ETFDH: variants seen among roughly 807,000 people sequenced by gnomAD.
ETFDH encodes the protein electron transfer flavoprotein dehydrogenase.
A neutral mutation model predicts 73.2 loss-of-function variants in ETFDH; 61 were observed. The observed-to-expected ratio is 0.83, with a 90% CI of 0.68 to 1.03. ETFDH has a LOEUF of 1.03. Among genes scored for constraint, ETFDH ranks in the 50% least tolerant of loss-of-function variants. The pLI is 0.00. For synonymous variants in ETFDH, 243 were observed against 253.3 expected, an observed-to-expected ratio of 0.96 and a Z score of 0.39; for missense variants, 685 against 745.0, an observed-to-expected ratio of 0.92 and a Z score of 0.94.
At chr4:158,703,289 CTCAAT>C in intron 9 of ETFDH, 129 bp from the exon 10 acceptor site, 2 of 694,354 alleles carry the variant, frequency 2.9e-6, no homozygotes, top group Non-Finnish European at 5.1e-6. Context: ...TATTCCTTTG[CTCAAT>C]TCATTTTCAT....
chr4:158,690,676 C>G (rs1281982761), intron 6 of ETFDH, among the ~76,000 whole-genome samples: 3 of 72,382 alleles, frequency 4.1e-5, no homozygotes, highest in South Asian at 6.6e-4. Flanking sequence ...GAGCAAAACC[C>G]TGTCTTAAAA....
At chr4:158,688,480 TC>T (rs1260079584) in intron 5 of ETFDH, among the ~76,000 whole-genome samples, 2 of 149,728 alleles carry the variant, frequency 1.3e-5, no homozygotes, top group African/African-American at 4.9e-5. Context: ...GGTCAGGAGA[TC>T]GAGACCATGG....
chr4:158,691,067 T>G (rs1037738526), intron 6 of ETFDH, among the ~76,000 whole-genome samples: 1 of 152,144 alleles, frequency 6.6e-6, no homozygotes, highest in Admixed American at 6.5e-5. Context: ...CATACAAATA[T>G]ACAAACATAA....
intron 8 of ETFDH, 98 bp from the exon 9 acceptor site, chr4:158,698,889 A>G: frequency 1.2e-6 from 1 of 864,708 alleles, no homozygotes. Context: ...AGTAAAAGAA[A>G]TTTAACCTAC....
Position 158,674,674 on chromosome 4 carries a change from A to AT in ETFDH, c.34+2189dup, listed in dbSNP as rs1185298006. Among the ~76,000 whole-genome samples, 4 of 152,320 alleles carry AT rather than the reference A, an allele frequency of 2.6e-5. 1 individual carries two copies. The highest frequency in any genetic ancestry group is 2.6e-4 in the Admixed American group (4 of 15,304). Reference sequence around the variant, plus strand: ...CTTTAAAAAAAATGACCAAACACAGATTTTTATTGCCTTTTCACAGAAAAT... The same window carrying AT: ...CTTTAAAAAAAATGACCAAACACAGATTTTTTATTGCCTTTTCACAGAAAAT... On this transcript the variant is annotated intron_variant, in intron 1 of 12. Transcript: ENST00000511912.
chr4:158,706,993 CTT>C (rs930402337), intron 12 of ETFDH, 143 bp downstream of exon 12: 4 of 610,634 alleles, frequency 6.6e-6, no homozygotes, highest in Admixed American at 2.7e-5. Flanking sequence ...AGGAAACATA[CTT>C]TTAACTACTG....
At chr4:158,704,759 A>C (rs1300739113) in intron 10 of ETFDH, among the ~76,000 whole-genome samples, 2 of 152,170 alleles carry the variant, frequency 1.3e-5, no homozygotes, top group Non-Finnish European at 2.9e-5. Flanking sequence ...ATCCCCAGTA[A>C]ATGTTCCTCT....
chr4:158,693,462 C>T (rs1019938907), intron 6 of ETFDH, among the ~76,000 whole-genome samples: 2 of 152,106 alleles, frequency 1.3e-5, no homozygotes, highest in African/African-American at 4.8e-5. Flanking sequence ...CACGGCCTGT[C>T]CCTTGAACAC....
chr4:158,681,079 A>G (rs941855810), intron 2 of ETFDH, among the ~76,000 whole-genome samples: 1 of 152,254 alleles, frequency 6.6e-6, no homozygotes, highest in South Asian at 2.1e-4. Context: ...ACTGTAAAAC[A>G]GACACAGGCA....
In ETFDH at chr4:158,672,462, G is replaced by C. The variant is rs2150300532; in HGVS notation, c.6G>C (p.Leu2=). M[L]VPLAKLSCLA... is the part of the protein sequence containing the mutation. ...GAGTCCTGGTGACTTTGAACATGCT[G>C]GTGCCGCTAGCCAAGCTGTCCTGCC... Residue 2 remains leucine, a synonymous_variant, in exon 1 of 13, where the codon CTG becomes CTC. Transcript: ENST00000511912. 1 of 1,614,164 alleles carries C rather than the reference G, an allele frequency of 6.2e-7. No homozygotes were observed. Among genetic ancestry groups the C allele is most frequent in the Non-Finnish European group, 8.5e-7 (1 of 1,180,008 alleles).
intron 9 of ETFDH, among the ~76,000 whole-genome samples, chr4:158,700,061 C>A (rs928661643): frequency 1.3e-5 from 2 of 152,134 alleles, no homozygotes; most frequent in African/African-American, 4.8e-5. Context: ...TTCTAGGAAT[C>A]TAGGACTATC....
At chr4:158,676,738 G>A (rs1174172075) in intron 1 of ETFDH, among the ~76,000 whole-genome samples, 2 of 152,000 alleles carry the variant, frequency 1.3e-5, no homozygotes, top group African/African-American at 2.4e-5. Flanking sequence ...TTGACTTCTC[G>A]ACTATAGCCA....
chr4:158,685,321 A>T, intron 5 of ETFDH, 102 bp downstream of exon 5: 1 of 733,760 alleles, frequency 1.4e-6, no homozygotes, highest in South Asian at 1.5e-5. Flanking sequence ...TTTAAAAGCC[A>T]TGGGATTTTA....
At position 158,690,365 on chromosome 4, in the gene ETFDH, TG is replaced by T; in HGVS notation, c.626del (p.Gly209ValfsTer3). The T allele has an allele frequency of 6.3e-7, 1 of 1,594,326 alleles. No individual in the cohort carries two copies. The highest frequency in any genetic ancestry group is 8.6e-7 in the Non-Finnish European group (1 of 1,161,914). On this transcript the variant is annotated frameshift_variant, in exon 6 of 13. Transcript: ENST00000511912. LOFTEE classifies it high-confidence loss of function. ...AAAEVLFHDD[G>X]SVKGIATNDV... ...ATTTTTAGGTCCTTTTTCATGATGA[TG>T]GTAGTGTAAAAGGAATTGCCACTAA... is the stretch of plus-strand genomic sequence containing the variant.
At chr4:158,685,911 C>G (rs1046434392) in intron 5 of ETFDH, among the ~76,000 whole-genome samples, 3 of 152,190 alleles carry the variant, frequency 2.0e-5, no homozygotes, top group African/African-American at 7.2e-5. Flanking sequence ...AAATGATTCT[C>G]TTTGGAATTT....
rs1191355378 is a variant in ETFDH, at chr4:158,680,079, T to TA, written c.35-388_35-387insA. The TA allele has an allele frequency of 2.9e-4, 2 of 6,792 alleles. 1 individual carries two copies. The highest frequency in any genetic ancestry group is 1.1e-3 in the Non-Finnish European group (2 of 1,794). The allele number at this position is 6,792 out of a possible 1,614,324, so 0.4% of individuals were successfully genotyped here. On this transcript the variant is annotated intron_variant, in intron 1 of 12. Coordinates refer to ENST00000511912, the MANE Select transcript of ETFDH (RefSeq NM_004453.4). ...CAGCCTGGGTGACAGAGTGAGACTC[T>TA]GTCTCAAAAAAAAAAAAAAAAAGAA...
chr4:158,689,595 C>CATATATATATATATATATAT (rs573706904), intron 5 of ETFDH, among the ~76,000 whole-genome samples: 15 of 32,764 alleles, frequency 4.6e-4, no homozygotes, highest in African/African-American at 7.2e-4. Context: ...ATAAAACCTT[C>CATATATATATATATATATAT]ATATATATAT....
At chr4:158,678,635 T>G (rs1773769629) in intron 1 of ETFDH, among the ~76,000 whole-genome samples, 1 of 149,006 alleles carries the variant, frequency 6.7e-6, no homozygotes, top group Non-Finnish European at 1.5e-5. Flanking sequence ...ATTGAAGAAT[T>G]TATGGATATA....
intron 9 of ETFDH, among the ~76,000 whole-genome samples, chr4:158,702,209 G>A (rs984768482): frequency 6.6e-6 from 1 of 151,758 alleles, no homozygotes; most frequent in Non-Finnish European, 1.5e-5. Flanking sequence ...ATTTTGGGGG[G>A]AGAGAGGATA....
Sources: gnomAD v4.1 joint callset for allele counts (sites outside exome capture counted in the v4.1 genomes callset) on GRCh38, gnomAD v4.1.1 for gene constraint, MANE v1.5 for transcripts, NCBI Gene and HGNC (gene_info 2026-07-23, HGNC 2026-07-21) for gene names.